ARHGAP26: variants seen among roughly 807,000 people sequenced by gnomAD.
ARHGAP26 encodes Rho GTPase activating protein 26.
A neutral mutation model predicts 104.8 loss-of-function variants in ARHGAP26; 38 were observed. That is an observed-to-expected ratio of 0.36 (90% confidence interval 0.28 to 0.48). The LOEUF (loss-of-function observed/expected upper bound fraction) is 0.48, where lower values mean the gene tolerates loss of function less well. Among genes scored for constraint, ARHGAP26 ranks in the 20% least tolerant of loss-of-function variants. The pLI is 0.99. For synonymous variants in ARHGAP26, 341 were observed against 340.0 expected (o/e 1.00, Z -0.03); for missense variants, 704 against 947.9 (o/e 0.74, Z 3.38).
At chr5:143,092,804 T>C (rs909861342) in intron 17 of ARHGAP26, among the ~76,000 whole-genome samples, 6 of 152,244 alleles carry the variant, frequency 3.9e-5, no homozygotes, top group Admixed American at 2.6e-4. Flanking sequence ...CCTGATTCAG[T>C]AAGCACTTTA....
chr5:143,206,965 G>A (rs1808661362), intron 20 of ARHGAP26, among the ~76,000 whole-genome samples: 1 of 152,226 alleles, frequency 6.6e-6, no homozygotes, highest in Non-Finnish European at 1.5e-5. Flanking sequence ...CTGAAAAGCA[G>A]TTGTTCTGCA....
At chr5:143,029,768 C>CA (rs1781603997) in intron 12 of ARHGAP26, among the ~76,000 whole-genome samples, 2 of 151,964 alleles carry the variant, frequency 1.3e-5, no homozygotes, top group South Asian at 4.1e-4. Context: ...ATTTCTCCCA[C>CA]AAAAAAGGTT....
intron 17 of ARHGAP26, among the ~76,000 whole-genome samples, chr5:143,086,358 A>T (rs7723074): frequency 0.092 from 13,744 of 150,174 alleles, 1,161 homozygotes; most frequent in East Asian, 0.29. Flanking sequence ...TTATTTTTAG[A>T]GTCTTATACA....
At chr5:142,879,168 G>A (rs1756565942) in intron 3 of ARHGAP26, among the ~76,000 whole-genome samples, 1 of 152,100 alleles carries the variant, frequency 6.6e-6, no homozygotes, top group Non-Finnish European at 1.5e-5. Context: ...ATCATGCATG[G>A]GAGGAAGATT....
At chr5:143,138,007 G>A (rs1798085273) in intron 19 of ARHGAP26, among the ~76,000 whole-genome samples, 1 of 152,230 alleles carries the variant, frequency 6.6e-6, no homozygotes, top group Non-Finnish European at 1.5e-5. Flanking sequence ...TGGGATATTA[G>A]AATATGCTCA....
intron 20 of ARHGAP26, among the ~76,000 whole-genome samples, chr5:143,195,625 G>T (rs890624031): frequency 6.6e-6 from 1 of 152,132 alleles, no homozygotes; most frequent in Non-Finnish European, 1.5e-5. Context: ...AAATAAAAAA[G>T]TCTCTAAAAG....
intron 17 of ARHGAP26, among the ~76,000 whole-genome samples, chr5:143,095,931 A>G (rs1419346021): frequency 6.6e-6 from 1 of 152,260 alleles, no homozygotes; most frequent in Non-Finnish European, 1.5e-5. Context: ...GCATATGCAT[A>G]TAGTCGGAAA....
rs530121500 is a variant in ARHGAP26 at position 143,059,553 on chromosome 5, T to TCCCACCCTTTC, written c.1538+1810_1538+1820dup. Among the ~76,000 whole-genome samples, 184 of 152,338 alleles carry TCCCACCCTTTC rather than the reference T, an allele frequency of 1.2e-3. 1 individual carries two copies. Among genetic ancestry groups the TCCCACCCTTTC allele is most frequent in the Middle Eastern group, 6.8e-3 (2 of 294 alleles). ...TGGATGACTCACTTTCTCCTCCTTT[T>TCCCACCCTTTC]CCCACCCTTTCCCCCTCCAGTCCCA... On this transcript the variant is annotated intron_variant, in intron 17 of 22. Transcript: ENST00000645722.
chr5:143,157,818 T>C (rs148928036), intron 20 of ARHGAP26, among the ~76,000 whole-genome samples: 94 of 152,308 alleles, frequency 6.2e-4, no homozygotes, highest in African/African-American at 2.2e-3. Context: ...TGAAAAGCAT[T>C]GGTAAGCTTT....
chr5:142,853,551 A>C (rs545015926), intron 1 of ARHGAP26, among the ~76,000 whole-genome samples: 2 of 152,166 alleles, frequency 1.3e-5, no homozygotes, highest in East Asian at 3.8e-4. Context: ...CCTTGGTTCT[A>C]TCACTTACTG....
At chr5:143,119,327 A>G (rs1419313957) in intron 17 of ARHGAP26, among the ~76,000 whole-genome samples, 3 of 152,232 alleles carry the variant, frequency 2.0e-5, no homozygotes, top group Non-Finnish European at 2.9e-5. Context: ...TTGTGACAAG[A>G]GGCTAAGTTT....
intron 1 of ARHGAP26, chr5:142,868,016 AGCATGAAGGGATATGATCCT>A (rs1754630716): frequency 3.9e-5 from 6 of 152,180 alleles, no homozygotes; most frequent in Non-Finnish European, 8.8e-5. Flanking sequence ...TAGAGTGGTG[AGCATGAAGGGATATGATCCT>A]CATCCTTATA....
At chr5:142,894,417 A>G in intron 6 of ARHGAP26, 69 bp downstream of exon 6, 2 of 1,409,094 alleles carry the variant, frequency 1.4e-6, no homozygotes, top group East Asian at 2.3e-5. Context: ...GTAGTAGATT[A>G]CAAAATGCTC....
chr5:142,854,971 A>G (rs1199995099), intron 1 of ARHGAP26, among the ~76,000 whole-genome samples: 1 of 152,106 alleles, frequency 6.6e-6, no homozygotes, highest in Non-Finnish European at 1.5e-5. Flanking sequence ...AGCTTGTGGT[A>G]TCCTTCCCTT....
At chr5:143,081,951 A>G (rs936478920) in intron 17 of ARHGAP26, among the ~76,000 whole-genome samples, 2 of 144,620 alleles carry the variant, frequency 1.4e-5, no homozygotes, top group Admixed American at 7.2e-5. Context: ...TGGAGCTTGC[A>G]GTGAGCCGAG....
At chr5:142,919,928 G>A (rs1468808031) in intron 10 of ARHGAP26, among the ~76,000 whole-genome samples, 1 of 152,170 alleles carries the variant, frequency 6.6e-6, no homozygotes, top group East Asian at 1.9e-4. Flanking sequence ...CTTGAACCCA[G>A]GAGATGGAGG....
intron 1 of ARHGAP26, among the ~76,000 whole-genome samples, chr5:142,826,090 A>G (rs1264895667): frequency 2.6e-5 from 4 of 152,236 alleles, no homozygotes; most frequent in African/African-American, 9.6e-5. Flanking sequence ...CTGTCTCACG[A>G]GAGTGTTAAT....
chr5:143,047,604 A>C (rs553259227), intron 14 of ARHGAP26, among the ~76,000 whole-genome samples: 2 of 152,312 alleles, frequency 1.3e-5, no homozygotes, highest in South Asian at 4.1e-4. Flanking sequence ...TACACCCCAC[A>C]TCTTTGCCAT....
chr5:142,996,570 C>T (rs1776427697), intron 11 of ARHGAP26, among the ~76,000 whole-genome samples: 2 of 152,042 alleles, frequency 1.3e-5, no homozygotes, highest in South Asian at 4.1e-4. Flanking sequence ...CTTGCTGTCA[C>T]CTAACTAAAA....
Sources: allele counts gnomAD v4.1 joint callset (sites outside exome capture counted in the v4.1 genomes callset), GRCh38; gene constraint gnomAD v4.1.1; transcripts MANE v1.5; gene names NCBI Gene and HGNC (gene_info 2026-07-23, HGNC 2026-07-21).